Variants in MACROD2 observed in about 807,000 individuals in gnomAD.
MACROD2 encodes the protein ADP-ribose glycohydrolase MACROD2.
Under a neutral mutation model 70.4 loss-of-function variants are expected in MACROD2, and 36 were observed. The ratio of observed to expected loss-of-function variants is 0.51; its 90% confidence interval spans 0.39 to 0.68. The LOEUF (loss-of-function observed/expected upper bound fraction) is 0.68. Ranked by LOEUF, MACROD2 falls within the 30% of genes least tolerant of loss-of-function variation. The pLI, the probability that MACROD2 is intolerant of heterozygous loss-of-function variation, is 0.00. For synonymous variants in MACROD2, 172 were observed against 178.8 expected (o/e 0.96, Z 0.30); for missense variants, 496 against 538.4 (o/e 0.92, Z 0.78).
chr20:14,231,128 CT>C (rs1241279638), intron 3 of MACROD2, among the ~76,000 whole-genome samples: 1 of 148,554 alleles, frequency 6.7e-6, no homozygotes, highest in Non-Finnish European at 1.5e-5. Context: ...TAGCATCATT[CT>C]TTTTTTTTCT....
At chr20:14,452,008 C>A (rs1330230110) in intron 3 of MACROD2, among the ~76,000 whole-genome samples, 1 of 152,014 alleles carries the variant, frequency 6.6e-6, no homozygotes, top group Non-Finnish European at 1.5e-5. Context: ...TTTAGTACCT[C>A]TTGAAGGTGA....
At chr20:15,285,480 A>G (rs567712874) in intron 6 of MACROD2, among the ~76,000 whole-genome samples, 54 of 152,226 alleles carry the variant, frequency 3.5e-4, no homozygotes, top group Non-Finnish European at 7.3e-4. Context: ...TCTTGGACAC[A>G]TGCAATTTAT....
At chr20:14,028,804 T>C (rs1191709697) in intron 2 of MACROD2, among the ~76,000 whole-genome samples, 3 of 152,152 alleles carry the variant, frequency 2.0e-5, no homozygotes, top group Non-Finnish European at 4.4e-5. Context: ...AAATCAACCG[T>C]CATTGATCTC....
intron 4 of MACROD2, chr20:14,494,233 A>C (rs1396666331): frequency 1.3e-5 from 2 of 151,990 alleles, no homozygotes; most frequent in Non-Finnish European, 2.9e-5. Flanking sequence ...CCAGATGGAC[A>C]TAACTAGGTT....
At chr20:14,784,657 G>C (rs538425496) in intron 5 of MACROD2, among the ~76,000 whole-genome samples, 1 of 64,088 alleles carries the variant, frequency 1.6e-5, no homozygotes, top group East Asian at 7.2e-4. Flanking sequence ...AGAAAAGGAT[G>C]GTGTTTTAAG....
intron 5 of MACROD2, among the ~76,000 whole-genome samples, chr20:14,815,213 T>C (rs1006569657): frequency 1.3e-5 from 2 of 152,052 alleles, no homozygotes; most frequent in African/African-American, 4.8e-5. Flanking sequence ...AAAGATGTGG[T>C]TTCCTGGAGA....
At chr20:14,244,708 T>G (rs548583454) in intron 3 of MACROD2, among the ~76,000 whole-genome samples, 15 of 152,344 alleles carry the variant, frequency 9.8e-5, no homozygotes, top group African/African-American at 3.6e-4. Context: ...CGCTGAGCGC[T>G]GGAGCCTCCA....
intron 5 of MACROD2, among the ~76,000 whole-genome samples, chr20:14,860,942 C>T (rs968584020): frequency 1.3e-5 from 2 of 150,032 alleles, no homozygotes; most frequent in South Asian, 4.2e-4. Flanking sequence ...CTAACTACAT[C>T]CCCATTCTGG....
intron 3 of MACROD2, among the ~76,000 whole-genome samples, chr20:14,268,257 C>A (rs1461904118): frequency 2.0e-5 from 3 of 152,042 alleles, no homozygotes; most frequent in Admixed American, 1.3e-4. Context: ...AAAACTGACA[C>A]TGATTCTTCA....
intron 5 of MACROD2, among the ~76,000 whole-genome samples, chr20:15,174,089 A>G (rs931593744): frequency 3.3e-5 from 5 of 152,236 alleles, no homozygotes; most frequent in Admixed American, 2.0e-4. Context: ...AGACTTTTAA[A>G]TCATGATTTT....
intron 3 of MACROD2, among the ~76,000 whole-genome samples, chr20:14,136,602 C>T (rs2054801480): frequency 6.6e-6 from 1 of 152,110 alleles, no homozygotes; most frequent in Admixed American, 6.6e-5. Flanking sequence ...GGAATTCAGA[C>T]CTACTGCTTC....
At chr20:14,665,792 A>G (rs538406876) in intron 4 of MACROD2, among the ~76,000 whole-genome samples, 1 of 152,042 alleles carries the variant, frequency 6.6e-6, no homozygotes, top group Non-Finnish European at 1.5e-5. Flanking sequence ...GGTGGTTCAA[A>G]TTCTCCAGGG....
At chr20:15,581,861 C>T (rs1171337862) in intron 8 of MACROD2, among the ~76,000 whole-genome samples, 2 of 152,172 alleles carry the variant, frequency 1.3e-5, no homozygotes, top group Non-Finnish European at 2.9e-5. Context: ...GTGGCTCACA[C>T]CTATAATCCC....
At chr20:14,972,517 A>G (rs1407525913) in intron 5 of MACROD2, among the ~76,000 whole-genome samples, 1 of 152,172 alleles carries the variant, frequency 6.6e-6, no homozygotes, top group African/African-American at 2.4e-5. Flanking sequence ...TATATTTTAC[A>G]TGCTACATAA....
At chr20:15,210,209 G>A (rs1408535989) in intron 5 of MACROD2, among the ~76,000 whole-genome samples, 1 of 152,198 alleles carries the variant, frequency 6.6e-6, no homozygotes, top group Non-Finnish European at 1.5e-5. Context: ...TTTGTAGGCA[G>A]TTGTGTATGG....
chr20:15,870,045 T>TA (rs1360306531), intron 9 of MACROD2, among the ~76,000 whole-genome samples: 2 of 152,056 alleles, frequency 1.3e-5, no homozygotes. Context: ...CCAAAATTTT[T>TA]AAAACGAAAC....
At chr20:15,854,035 G>A (rs1426674619) in intron 8 of MACROD2, among the ~76,000 whole-genome samples, 1 of 152,132 alleles carries the variant, frequency 6.6e-6, no homozygotes, top group Non-Finnish European at 1.5e-5. Flanking sequence ...CCTCCAAGAT[G>A]CCAATATGAT....
intron 2 of MACROD2, 148 bp downstream of exon 2, chr20:14,002,552 CCTA>C (rs757025253): frequency 1.8e-5 from 10 of 554,754 alleles, no homozygotes; most frequent in Non-Finnish European, 2.8e-5. Flanking sequence ...TTTTTAGTAA[CCTA>C]CGGTGTTTTT....
intron 7 of MACROD2, among the ~76,000 whole-genome samples, chr20:15,490,272 T>C (rs2047215945): frequency 7.0e-6 from 1 of 143,190 alleles, no homozygotes; most frequent in African/African-American, 2.8e-5. Context: ...CTTCTTTCTC[T>C]CTTTCTTTCT....
Sources: gnomAD v4.1 joint callset for allele counts (sites outside exome capture counted in the v4.1 genomes callset) on GRCh38, gnomAD v4.1.1 for gene constraint, MANE v1.5 for transcripts, NCBI Gene and HGNC (gene_info 2026-07-23, HGNC 2026-07-21) for gene names.